Variants in PRRX2 observed in about 807,000 individuals in gnomAD.
PRRX2 encodes the protein paired related homeobox 2, also known as paired mesoderm homeobox protein 2.
PRRX2 carries 11 observed loss-of-function variants against 18.0 expected under a neutral mutation model. The observed-to-expected ratio is 0.61, with a 90% CI of 0.39 to 1.01. The LOEUF is 1.01. Among genes scored for constraint, PRRX2 ranks in the 50% least tolerant of loss-of-function variants. PRRX2 has a pLI of 0.01. For missense variants in PRRX2, 387 were observed against 351.0 expected (o/e 1.10, Z -0.82); for synonymous variants, 177 against 154.8 (o/e 1.14, Z -1.06).
intron 1 of PRRX2, among the ~76,000 whole-genome samples, chr9:129,672,520 A>G (rs1023878498): frequency 6.6e-6 from 1 of 152,118 alleles, no homozygotes; most frequent in African/African-American, 2.4e-5. Flanking sequence ...GCTCCCGGGA[A>G]TGCTGGGGTG....
intron 1 of PRRX2, among the ~76,000 whole-genome samples, chr9:129,689,238 G>A (rs76255976): frequency 0.012 from 1,840 of 152,234 alleles, 23 homozygotes; most frequent in Non-Finnish European, 0.022. Flanking sequence ...TGCCTGCTTC[G>A]GCTGGAATCC....
intron 1 of PRRX2, among the ~76,000 whole-genome samples, chr9:129,689,855 C>T (rs113327348): frequency 0.079 from 9,545 of 120,698 alleles, 11 homozygotes; most frequent in African/African-American, 0.27. Context: ...CAGGTTCAAG[C>T]GATTCTCCTG....
At chr9:129,712,058 G>A (rs1832629944) in intron 1 of PRRX2, among the ~76,000 whole-genome samples, 1 of 152,132 alleles carries the variant, frequency 6.6e-6, no homozygotes. Context: ...TCCACTTCTT[G>A]CCTAAGACGT....
At chr9:129,673,654 ACACACACACACACACACACACACAGG>A (rs1832126946) in intron 1 of PRRX2, among the ~76,000 whole-genome samples, 1 of 28,472 alleles carries the variant, frequency 3.5e-5, no homozygotes, top group African/African-American at 1.3e-4. Context: ...CCCCCATGCC[ACACACACACACACACACACACACAGG>A]CACACACACG....
In PRRX2 at chr9:129,719,386, C is replaced by G; in HGVS notation, c.415C>G (p.Arg139Gly). The change falls in exon 2 of 4, where the codon CGG becomes GGG. Residue 139 changes from arginine to glycine, a missense_variant. Physicochemically the swap from Arg to Gly is moderately radical, Grantham distance 125. Coordinates refer to ENST00000372469, the MANE Select transcript of PRRX2 (RefSeq NM_016307.4). ...CGCCTTTGTGCGCGAGGAGCTTGCCCGGCGCGTCAACCTCAGCGAGGCGCG... is the reference window on the plus strand; with the variant it reads ...CGCCTTTGTGCGCGAGGAGCTTGCCGGGCGCGTCAACCTCAGCGAGGCGCG... ...PDAFVREELA[R>G]RVNLSEARVQ... 2 of 1,552,296 alleles carry G rather than the reference C, an allele frequency of 1.3e-6. No individual in the cohort carries two copies. The highest frequency in any genetic ancestry group is 2.4e-5 in the South Asian group (2 of 84,538).
At chr9:129,697,257 G>A (rs894999878) in intron 1 of PRRX2, among the ~76,000 whole-genome samples, 2 of 152,152 alleles carry the variant, frequency 1.3e-5, no homozygotes, top group Non-Finnish European at 2.9e-5. Context: ...GGAGAGGGAG[G>A]TGTCTGAGCT....
chr9:129,671,430 C>A lies in PRRX2; in HGVS notation c.259+5304C>A, dbSNP rs1832098924. Among the ~76,000 whole-genome samples, 1 of 152,190 alleles carries A rather than the reference C, an allele frequency of 6.6e-6. No individual in the cohort carries two copies. Among genetic ancestry groups the A allele is most frequent in the Non-Finnish European group, 1.5e-5 (1 of 68,018 alleles). ...GAGCTTGGGGGCCTGGCACAGGGGG[C>A]TTAGACCGGCTTGCCCTTCTCTGTG... is the stretch of plus-strand genomic sequence containing the variant. On this transcript the variant is annotated intron_variant, in intron 1 of 3. Coordinates refer to ENST00000372469, the MANE Select transcript of PRRX2 (RefSeq NM_016307.4). The surrounding 1 kb of genome is among the most constrained non-coding windows in gnomAD (Gnocchi z 4.0).
intron 1 of PRRX2, among the ~76,000 whole-genome samples, chr9:129,682,044 TAGG>T (rs1389648855): frequency 6.6e-6 from 1 of 152,140 alleles, no homozygotes; most frequent in African/African-American, 2.4e-5. Context: ...GCGTGGGTCT[TAGG>T]AGGAAAGCAG....
intron 3 of PRRX2, among the ~76,000 whole-genome samples, 175 bp from the exon 4 acceptor site, chr9:129,722,042 G>A (rs890493068): frequency 6.6e-6 from 1 of 152,134 alleles, no homozygotes; most frequent in Non-Finnish European, 1.5e-5. Context: ...ACTGAGCTGG[G>A]GGGACTTCTG....
intron 1 of PRRX2, among the ~76,000 whole-genome samples, chr9:129,676,397 G>C (rs1414768186): frequency 6.6e-6 from 1 of 152,184 alleles, no homozygotes; most frequent in Non-Finnish European, 1.5e-5. Context: ...ATGGATTTGG[G>C]AGATGATGGA....
intron 2 of PRRX2, among the ~76,000 whole-genome samples, chr9:129,719,775 C>T (rs1274207099): frequency 6.6e-6 from 1 of 152,132 alleles, no homozygotes; most frequent in African/African-American, 2.4e-5. Context: ...TCACTTGAGG[C>T]TAGGAATTTG....
rs202114136 is a variant in PRRX2, at chr9:129,719,404, G to C, written c.433G>C (p.Glu145Gln). 54 of 1,538,696 alleles carry C rather than the reference G, an allele frequency of 3.5e-5. No homozygotes were observed. The African/African-American group carries it at 7.1e-4, about 20-fold the overall frequency. Residue 145 changes from glutamate to glutamine, a missense_variant, in exon 2 of 4, where the codon GAG becomes CAG. Transcript: ENST00000372469. The stretch of plus-strand genomic sequence containing the variant: ...GCTTGCCCGGCGCGTCAACCTCAGC[G>C]AGGCGCGCGTTCAGGTGAGCGCTCA... ...EELARRVNLS[E>Q]ARVQVWFQNR...
intron 1 of PRRX2, among the ~76,000 whole-genome samples, chr9:129,717,201 C>T (rs1476921809): frequency 1.3e-5 from 2 of 152,058 alleles, no homozygotes; most frequent in Admixed American, 6.6e-5. Flanking sequence ...CACTTGTGAC[C>T]ATGCCTGGCT....
chr9:129,721,843 A>C (rs1400596521), intron 3 of PRRX2, among the ~76,000 whole-genome samples: 2 of 152,094 alleles, frequency 1.3e-5, no homozygotes, highest in African/African-American at 4.8e-5. Flanking sequence ...GGCCTCCCAA[A>C]GTGTTGGGAT....
chr9:129,693,362 G>A (rs1044488964), intron 1 of PRRX2, among the ~76,000 whole-genome samples: 9 of 152,214 alleles, frequency 5.9e-5, no homozygotes, highest in African/African-American at 1.7e-4. Context: ...GGGAGGCCAA[G>A]GCGGGCGGAT....
intron 1 of PRRX2, among the ~76,000 whole-genome samples, chr9:129,710,456 G>A (rs374984309): frequency 5.3e-5 from 8 of 152,172 alleles, no homozygotes; most frequent in African/African-American, 1.9e-4. Flanking sequence ...TAGCTTGGCC[G>A]GGCGCGGTGG....
At position 129,720,691 on chromosome 9, in the gene PRRX2, G is replaced by A; in HGVS notation, c.543G>A (p.Glu181=). ...SASLLKSYSQ[E]AAIEQPVAPR... ...CGCTGCTCAAGTCCTACAGCCAGGA[G>A]GCCGCCATCGAGCAGCCCGTGGCTC... is the stretch of plus-strand genomic sequence containing the variant. The change falls in exon 3 of 4, where the codon GAG becomes GAA. Residue 181 remains glutamate (E), a synonymous_variant. Coordinates refer to ENST00000372469, the MANE Select transcript of PRRX2 (RefSeq NM_016307.4). The A allele has an allele frequency of 6.2e-7, 1 of 1,613,346 alleles. No individual in the cohort carries two copies. Among genetic ancestry groups the A allele is most frequent in the Non-Finnish European group, 8.5e-7 (1 of 1,179,834 alleles).
intron 1 of PRRX2, among the ~76,000 whole-genome samples, chr9:129,689,398 C>T (rs915847750): frequency 1.3e-5 from 2 of 152,198 alleles, no homozygotes; most frequent in South Asian, 2.1e-4. Context: ...GAAGGAATTG[C>T]TCCACGCGAG....
At chr9:129,670,457 C>T (rs182768121) in intron 1 of PRRX2, among the ~76,000 whole-genome samples, 80 of 152,194 alleles carry the variant, frequency 5.3e-4, no homozygotes, top group Middle Eastern at 3.4e-3. Context: ...TCACTGCAAC[C>T]TCCGCCTCCT....
Sources: allele counts gnomAD v4.1 joint callset (sites outside exome capture counted in the v4.1 genomes callset), GRCh38; gene constraint gnomAD v4.1.1; non-coding constraint Gnocchi (gnomAD v3.1); transcripts MANE v1.5; gene names NCBI Gene and HGNC (gene_info 2026-07-23, HGNC 2026-07-21).